KCNH7: variants seen among roughly 807,000 people sequenced by gnomAD.
KCNH7 encodes the protein potassium voltage-gated channel subfamily H member 7, also known as voltage-gated inwardly rectifying potassium channel KCNH7.
Under a neutral mutation model 120.8 loss-of-function variants are expected in KCNH7, and 49 were observed. That is an observed-to-expected ratio of 0.41 (90% CI 0.32 to 0.51). The LOEUF (loss-of-function observed/expected upper bound fraction) is 0.51, where lower values mean the gene tolerates loss of function less well. Ranked by LOEUF, KCNH7 falls within the 20% of genes least tolerant of loss-of-function variation. The pLI is 0.38. For synonymous variants in KCNH7, 547 were observed against 516.1 expected (o/e 1.06, Z -0.81); for missense variants, 1,097 against 1,446.6 (o/e 0.76, Z 3.92).
At chr2:162,401,196 C>T (rs149460148) in intron 9 of KCNH7, among the ~76,000 whole-genome samples, 126 of 151,968 alleles carry the variant, frequency 8.3e-4, no homozygotes, top group African/African-American at 2.9e-3. Context: ...TAAACAATAG[C>T]TTGTGACAAC....
chr2:162,585,236 C>T (rs941613370), intron 2 of KCNH7, among the ~76,000 whole-genome samples: 5 of 152,054 alleles, frequency 3.3e-5, no homozygotes, highest in Admixed American at 6.6e-5. Flanking sequence ...GAAACCCATA[C>T]GTTTCTTGAT....
chr2:162,556,566 A>G (rs1315688782), intron 2 of KCNH7, among the ~76,000 whole-genome samples: 1 of 152,232 alleles, frequency 6.6e-6, no homozygotes, highest in Non-Finnish European at 1.5e-5. Context: ...GAAACCAGTC[A>G]CAGACAACTG....
intron 2 of KCNH7, among the ~76,000 whole-genome samples, chr2:162,710,942 T>C (rs1686906226): frequency 6.6e-6 from 1 of 152,164 alleles, no homozygotes; most frequent in South Asian, 2.1e-4. Context: ...CATTTTGCAA[T>C]TTTGCTTTGG....
intron 6 of KCNH7, among the ~76,000 whole-genome samples, chr2:162,461,814 A>G (rs192638154): frequency 4.6e-4 from 70 of 152,280 alleles, no homozygotes; most frequent in African/African-American, 1.6e-3. Flanking sequence ...AAAAGCAACA[A>G]TCCTGGAACT....
intron 6 of KCNH7, among the ~76,000 whole-genome samples, chr2:162,500,297 T>A (rs1402340175): frequency 6.8e-6 from 1 of 147,940 alleles, no homozygotes; most frequent in Non-Finnish European, 1.5e-5. Flanking sequence ...ATAACATGTA[T>A]ATTATATATA....
chr2:162,757,476 T>C (rs1688825519), intron 2 of KCNH7, among the ~76,000 whole-genome samples: 1 of 152,086 alleles, frequency 6.6e-6, no homozygotes, highest in Admixed American at 6.6e-5. Context: ...TCAAATCTGG[T>C]GAGAAATACA....
chr2:162,561,926 T>G (rs1031180518), intron 2 of KCNH7, among the ~76,000 whole-genome samples: 1 of 152,160 alleles, frequency 6.6e-6, no homozygotes, highest in Non-Finnish European at 1.5e-5. Context: ...TGGATGACAC[T>G]GGAAACCATC....
At chr2:162,708,754 A>G (rs901970037) in intron 2 of KCNH7, among the ~76,000 whole-genome samples, 1 of 152,102 alleles carries the variant, frequency 6.6e-6, no homozygotes, top group Non-Finnish European at 1.5e-5. Flanking sequence ...AAAGGAATCA[A>G]CATTACATAC....
At chr2:162,633,712 C>T (rs1490404565) in intron 2 of KCNH7, among the ~76,000 whole-genome samples, 1 of 151,882 alleles carries the variant, frequency 6.6e-6, no homozygotes, top group Non-Finnish European at 1.5e-5. Context: ...TTGAATGCAT[C>T]CATTTTATTC....
chr2:162,409,204 G>T (rs1411132125), intron 9 of KCNH7, among the ~76,000 whole-genome samples: 1 of 151,770 alleles, frequency 6.6e-6, no homozygotes, highest in Non-Finnish European at 1.5e-5. Context: ...CTGAAGGAAA[G>T]AAGAGAGAGA....
At position 162,637,514 on chromosome 2, in the gene KCNH7, T is replaced by C. The variant is rs575188691; in HGVS notation, c.308-100434A>G. ...TTTCACTTAGAAAGAAGAAATGAGTTTAGGAGCTGTATCGTACATCATGGT... is the reference window on the plus strand; with the variant it reads ...TTTCACTTAGAAAGAAGAAATGAGTCTAGGAGCTGTATCGTACATCATGGT... On this transcript the variant is annotated intron_variant, in intron 2 of 15. Coordinates refer to ENST00000332142, the MANE Select transcript of KCNH7 (RefSeq NM_033272.4). Among the ~76,000 whole-genome samples, 3 of 152,210 alleles carry C rather than the reference T, an allele frequency of 2.0e-5. No homozygotes were observed. In the South Asian group the frequency reaches 6.2e-4, roughly 32 times the overall value.
intron 3 of KCNH7, among the ~76,000 whole-genome samples, chr2:162,534,939 G>A (rs776318032): frequency 4.6e-5 from 7 of 151,646 alleles, no homozygotes; most frequent in Non-Finnish European, 1.0e-4. Flanking sequence ...AAGGATGCAA[G>A]AATGGTTCAT....
At chr2:162,383,303 C>T (rs1686478550) in intron 13 of KCNH7, among the ~76,000 whole-genome samples, 2 of 151,922 alleles carry the variant, frequency 1.3e-5, no homozygotes, top group Non-Finnish European at 2.9e-5. Context: ...TTTAGCACTT[C>T]CCAGAATCCA....
chr2:162,405,777 C>T (rs962252760), intron 9 of KCNH7, among the ~76,000 whole-genome samples: 1 of 151,672 alleles, frequency 6.6e-6, no homozygotes, highest in Non-Finnish European at 1.5e-5. Flanking sequence ...ACATTTATAC[C>T]AGTAAAATAA....
intron 6 of KCNH7, among the ~76,000 whole-genome samples, chr2:162,453,554 G>C (rs1222297311): frequency 6.6e-6 from 1 of 152,168 alleles, no homozygotes; most frequent in Non-Finnish European, 1.5e-5. Flanking sequence ...CTTCCACAAT[G>C]GTTGAACTAA....
In KCNH7 at chr2:162,669,784, G is replaced by A. The variant is rs1685276211; in HGVS notation, c.308-132704C>T. Among the ~76,000 whole-genome samples the A allele has an allele frequency of 1.3e-5, 2 of 152,118 alleles. 1 individual carries two copies. The highest frequency in any genetic ancestry group is 4.1e-4 in the South Asian group (2 of 4,830). ...TCTCGTCCCAAATGTCAATAGTGCT[G>A]AGGTAATGTCTAAAGTATGTGCTTA... On this transcript the variant is annotated intron_variant, in intron 2 of 15. Transcript: ENST00000332142.
chr2:162,570,474 C>G (rs1693429123), intron 2 of KCNH7, among the ~76,000 whole-genome samples: 1 of 152,008 alleles, frequency 6.6e-6, no homozygotes, highest in Non-Finnish European at 1.5e-5. Context: ...TGGGTCTTGA[C>G]TCTTTATCCA....
At chr2:162,711,723 T>C (rs1022580566) in intron 2 of KCNH7, among the ~76,000 whole-genome samples, 2 of 152,116 alleles carry the variant, frequency 1.3e-5, no homozygotes, top group African/African-American at 2.4e-5. Flanking sequence ...CCAGAGTAAG[T>C]TCTGAATGCT....
chr2:162,767,552 T>G (rs1682870465), intron 2 of KCNH7, among the ~76,000 whole-genome samples: 1 of 152,140 alleles, frequency 6.6e-6, no homozygotes, highest in Admixed American at 6.6e-5. Context: ...TTAATTATGA[T>G]GTAAATTTTA....
Sources: allele counts gnomAD v4.1 joint callset (sites outside exome capture counted in the v4.1 genomes callset), GRCh38; gene constraint gnomAD v4.1.1; transcripts MANE v1.5; gene names NCBI Gene and HGNC (gene_info 2026-07-23, HGNC 2026-07-21).